The following VPS13D variants were observed in gnomAD, a reference collection of about 807,000 sequenced individuals.
VPS13D encodes vacuolar protein sorting 13 homolog D.
Under a neutral mutation model 461.9 loss-of-function variants are expected in VPS13D, and 187 were observed. That is an observed-to-expected ratio of 0.40 (90% CI 0.36 to 0.46). The LOEUF is 0.46. Ranked by LOEUF, VPS13D falls within the 20% of genes least tolerant of loss-of-function variation. The pLI is 0.60. For missense variants in VPS13D, 4,711 were observed against 5,364.9 expected (o/e 0.88, Z 3.81); for synonymous variants, 1,951 against 1,986.3 (o/e 0.98, Z 0.47).
intron 65 of VPS13D, among the ~76,000 whole-genome samples, chr1:12,429,123 G>A (rs1436974818): frequency 7.2e-6 from 1 of 139,362 alleles, no homozygotes; most frequent in East Asian, 2.0e-4. Context: ...TTTTTTTTTT[G>A]CCAGTCTCCC....
Position 12,276,795 on chromosome 1 carries a change from CA to C in VPS13D, c.3211del (p.Ile1071PhefsTer17). ...GATCAGCTACTAGTGTTTCACTTGA[CA>C]AAATTCTTACCAAAGAGCAAGAGTC... ...DRSATSVSLD[K>X]ILTKEQESLI... On this transcript the variant is annotated frameshift_variant, in exon 19 of 70. Coordinates refer to ENST00000620676, the MANE Select transcript of VPS13D (RefSeq NM_015378.4). LOFTEE classifies it high-confidence loss of function. This position sits in a 1 kb window ranked among gnomAD's most constrained non-coding sequence, Gnocchi z 4.5. 6.2e-7 allele frequency: 1 copy of C among 1,614,142 alleles called. No homozygotes were observed. The highest frequency in any genetic ancestry group is 8.5e-7 in the Non-Finnish European group (1 of 1,180,030).
At position 12,311,881 on chromosome 1, in the gene VPS13D, G is replaced by C. The variant is rs1462663017; in HGVS notation, c.6891G>C (p.Glu2297Asp). 1.9e-6 allele frequency: 3 copies of C among 1,614,048 alleles called. No individual in the cohort carries two copies. The African/African-American group carries it at 4.0e-5, about 22-fold the overall frequency. Residue 2297 changes from glutamate to aspartate, a missense_variant, in exon 29 of 70, where the codon GAG becomes GAC. By Grantham distance (45) the Glu-to-Asp change is conservative (BLOSUM62 2). This residue lies in a region of VPS13D where 4,411 missense variants were observed against 4,937.8 expected (regional missense o/e 0.89). Coordinates refer to ENST00000620676, the MANE Select transcript of VPS13D (RefSeq NM_015378.4). ...FLIDMVNVSL[E>D]LKDPKRKEGA... ...TTGATATGGTGAATGTAAGTCTGGA[G>C]CTTAAAGATCCAAAAAGAAAAGAAG...
chr1:12,380,730 ACT>A (rs1332708637), intron 57 of VPS13D, among the ~76,000 whole-genome samples: 1 of 152,172 alleles, frequency 6.6e-6, no homozygotes, highest in Admixed American at 6.5e-5. Context: ...TTGATAGAGA[ACT>A]CTGAGTGTAC....
At chr1:12,440,796 A>T (rs1645120569) in intron 65 of VPS13D, among the ~76,000 whole-genome samples, 1 of 149,148 alleles carries the variant, frequency 6.7e-6, no homozygotes, top group Non-Finnish European at 1.5e-5. Flanking sequence ...CAATCACTTG[A>T]GTCTGGGAGG....
At chr1:12,416,455 T>A (rs984400234) in intron 64 of VPS13D, among the ~76,000 whole-genome samples, 7 of 152,182 alleles carry the variant, frequency 4.6e-5, no homozygotes, top group African/African-American at 1.7e-4. Flanking sequence ...TTGGGATATG[T>A]GTATTGGGAG....
intron 21 of VPS13D, among the ~76,000 whole-genome samples, chr1:12,285,594 G>A (rs1641943284): frequency 1.3e-5 from 2 of 152,018 alleles, no homozygotes; most frequent in Admixed American, 1.3e-4. Context: ...GTTGCCTGCT[G>A]AAGTATTTTA....
At position 12,234,282 on chromosome 1, in the gene VPS13D, G is replaced by A. The variant is rs907552804; in HGVS notation, c.16G>A (p.Val6Ile). The A allele has an allele frequency of 1.2e-6, 2 of 1,613,788 alleles. No homozygotes were observed. The highest frequency in any genetic ancestry group is 1.7e-6 in the Non-Finnish European group (2 of 1,179,844). ...GGATATAGTCATGTTGGAAGGCCTT[G>A]TAGCCTGGGTTCTCAATACCTATTT... The part of the protein sequence containing the change: MLEGL[V>I]AWVLNTYLGK... Residue 6 changes from valine to isoleucine, a missense_variant, in exon 2 of 70, where the codon GTA becomes ATA. Coordinates refer to ENST00000620676, the MANE Select transcript of VPS13D (RefSeq NM_015378.4).
intron 65 of VPS13D, among the ~76,000 whole-genome samples, chr1:12,425,344 G>T (rs1415044092): frequency 6.6e-6 from 1 of 152,020 alleles, no homozygotes; most frequent in African/African-American, 2.4e-5. Flanking sequence ...GGTCACCTGA[G>T]GTCAGGAATT....
rs750956728 is a variant in VPS13D, at chr1:12,329,790, C to T, written c.8198-39C>T. 18 of 1,588,062 alleles carry T rather than the reference C, an allele frequency of 1.1e-5. No individual in the cohort carries two copies. In the East Asian group the frequency reaches 2.5e-4, roughly 22 times the overall value. On this transcript the variant is annotated intron_variant, in intron 36 of 69. Coordinates refer to ENST00000620676, the MANE Select transcript of VPS13D (RefSeq NM_015378.4). Reference sequence around the variant, plus strand: ...TCAGCAAAAGGCAGTTTTGGTTGCTCCTGCCCTGCCGCTGCAGTAAGGTTT... The same window carrying T: ...TCAGCAAAAGGCAGTTTTGGTTGCTTCTGCCCTGCCGCTGCAGTAAGGTTT...
Position 12,267,848 on chromosome 1 carries a change from AAAG to A in VPS13D, c.1733_1735del (p.Glu578del). 6.2e-7 allele frequency: 1 copy of A among 1,614,172 alleles called. No individual in the cohort carries two copies. Among genetic ancestry groups the A allele is most frequent in the Non-Finnish European group, 8.5e-7 (1 of 1,180,008 alleles). On this transcript the variant is annotated inframe_deletion, in exon 15 of 70. Coordinates refer to ENST00000620676, the MANE Select transcript of VPS13D (RefSeq NM_015378.4). ...TTTTTGTGTGTTTGTTTAATAGCAA[AAAG>A]AAGTTGGCAGAGTCTCACAATCTTT...
intron 63 of VPS13D, among the ~76,000 whole-genome samples, chr1:12,409,085 G>A (rs553357375): frequency 2.7e-5 from 4 of 147,624 alleles, no homozygotes; most frequent in Admixed American, 1.3e-4. Flanking sequence ...TGCTTTTGGC[G>A]TGTGTGTGTG....
intron 25 of VPS13D, among the ~76,000 whole-genome samples, chr1:12,302,022 C>T (rs971884068): frequency 1.3e-5 from 2 of 152,190 alleles, no homozygotes; most frequent in Non-Finnish European, 2.9e-5. Context: ...TTACTGCACA[C>T]CTAGGCTCTG....
At chr1:12,253,376 T>G (rs1335510881) in intron 6 of VPS13D, among the ~76,000 whole-genome samples, 1 of 152,180 alleles carries the variant, frequency 6.6e-6, no homozygotes, top group Non-Finnish European at 1.5e-5. Flanking sequence ...GAGGGAGGAC[T>G]GTATGGTTGA....
intron 29 of VPS13D, 112 bp downstream of exon 29, chr1:12,312,037 TGTCTGCAGAGTG>T: frequency 2.3e-5 from 20 of 852,878 alleles, no homozygotes; most frequent in Middle Eastern, 3.4e-4. Context: ...GATGGAATGT[TGTCTGCAGAGTG>T]TCTTTTGGTT....
intron 67 of VPS13D, chr1:12,478,681 G>A (rs538271446): frequency 4.7e-6 from 2 of 428,686 alleles, no homozygotes; most frequent in South Asian, 3.3e-5. Context: ...GCTGTCTAGA[G>A]AGGGTCAAGG....
At chr1:12,368,793 C>T (rs991240733) in intron 53 of VPS13D, among the ~76,000 whole-genome samples, 2 of 152,188 alleles carry the variant, frequency 1.3e-5, no homozygotes, top group Non-Finnish European at 2.9e-5. Flanking sequence ...TGCTAGGCAG[C>T]CTTGTCCAGG....
chr1:12,301,663 A>G (rs911758247), intron 25 of VPS13D, among the ~76,000 whole-genome samples: 3 of 152,160 alleles, frequency 2.0e-5, no homozygotes, highest in African/African-American at 4.8e-5. Context: ...ATCATTGGCC[A>G]TTTGTGATTA....
chr1:12,288,135 G>A (rs1642024908), intron 21 of VPS13D, 88 bp from the exon 22 acceptor site: 2 of 1,132,384 alleles, frequency 1.8e-6, no homozygotes, highest in Admixed American at 1.9e-5. Flanking sequence ...AAGCCTTTTT[G>A]CATTTTCCTT....
intron 29 of VPS13D, among the ~76,000 whole-genome samples, chr1:12,313,299 CTT>C (rs765170972): frequency 1.4e-4 from 17 of 117,580 alleles, no homozygotes; most frequent in Admixed American, 2.6e-4. Context: ...TTATTCTTTC[CTT>C]TTTTTTTTTT....
Sources: gnomAD v4.1 joint callset for allele counts (sites outside exome capture counted in the v4.1 genomes callset) on GRCh38, gnomAD v4.1.1 for gene constraint, gnomAD v4.1.1 regional missense constraint, Gnocchi (gnomAD v3.1) non-coding constraint, MANE v1.5 for transcripts, NCBI Gene and HGNC (gene_info 2026-07-23, HGNC 2026-07-21) for gene names.